Variants in SFTPC observed in about 807,000 individuals in gnomAD.
SFTPC encodes the protein surfactant protein C, also known as BRICHOS domain containing 6.
Under a neutral mutation model 19.9 loss-of-function variants are expected in SFTPC, and 12 were observed. That is an observed-to-expected ratio of 0.60 (90% CI 0.39 to 0.98). SFTPC has a LOEUF of 0.98. Among genes scored for constraint, SFTPC ranks in the 50% least tolerant of loss-of-function variants. The probability of loss-of-function intolerance (pLI) is 0.00; values close to 1 mark genes in which losing one functional copy is unlikely to be tolerated. For missense variants in SFTPC, 219 were observed against 252.2 expected (o/e 0.87, Z 0.89); for synonymous variants, 123 against 103.3 (o/e 1.19, Z -1.16).
At chr8:22,161,909 GC>G in intron 1 of SFTPC, 39 bp downstream of exon 1, 3 of 1,565,800 alleles carry the variant, frequency 1.9e-6, no homozygotes, top group Non-Finnish European at 2.6e-6. Flanking sequence ...GTGTGCGCGC[GC>G]ACATGTGTGT....
chr8:22,159,904 G>T, upstream of SFTPC: 7 of 841,006 alleles, frequency 8.3e-6, no homozygotes, highest in African/African-American at 1.7e-5. Context: ...GGGGGCGGGA[G>T]TAAGGGCCCT....
At chr8:22,161,148 C>A (rs1827700211), upstream of SFTPC, among the ~76,000 whole-genome samples, 1 of 152,190 alleles carries the variant, frequency 6.6e-6, no homozygotes, top group Non-Finnish European at 1.5e-5. Context: ...AGCTTGCCAC[C>A]AGTGGGGACA....
chr8:22,161,227 G>C (rs1209437071), upstream of SFTPC, among the ~76,000 whole-genome samples: 1 of 152,188 alleles, frequency 6.6e-6, no homozygotes, highest in Non-Finnish European at 1.5e-5. Flanking sequence ...TGTGGGAGGA[G>C]GCAAGGTAAG....
Position 22,161,801 on chromosome 8 carries a change from G to A in SFTPC, c.-28G>A. ...ACCCTGGTCACACCTGGGAGAGGAG[G>A]AGAGGAGAGCATAGCACCTGCAGCA... On this transcript the variant is annotated 5_prime_UTR_variant, in exon 1 of 6. Transcript: ENST00000679463. 1 of 1,614,072 alleles carries A rather than the reference G, an allele frequency of 6.2e-7. No individual in the cohort carries two copies. The highest frequency in any genetic ancestry group is 8.5e-7 in the Non-Finnish European group (1 of 1,180,012).
Position 22,164,303 on chromosome 8 carries a change from G to A in SFTPC, c.*56G>A. On this transcript the variant is annotated 3_prime_UTR_variant, in exon 6 of 6. Coordinates refer to ENST00000679463, the MANE Select transcript of SFTPC (RefSeq NM_001317778.2). ...CCCCAACGGGAAAGGAAACGCCCCG[G>A]GCAAAGGGTCTTTTGCAGCTTTTGC... 1.3e-6 allele frequency: 2 copies of A among 1,536,202 alleles called. No individual in the cohort carries two copies. Among genetic ancestry groups the A allele is most frequent in the Non-Finnish European group, 1.7e-6 (2 of 1,146,918 alleles).
intron 4 of SFTPC, 170 bp from the exon 5 acceptor site, chr8:22,163,731 A>T (rs747946112): frequency 4.9e-6 from 4 of 817,154 alleles, no homozygotes; most frequent in Non-Finnish European, 8.3e-6. Context: ...TGCTGGGCTC[A>T]GCTGAGTCCA....
At chr8:22,159,069 G>A (rs926548111), upstream of SFTPC, 18 of 152,468 alleles carry the variant, frequency 1.2e-4, no homozygotes, top group African/African-American at 4.1e-4. Flanking sequence ...ACTGGAGTGA[G>A]GTCGCAGAGC....
At chr8:22,159,877 A>G (rs558877043), upstream of SFTPC, 482 of 1,283,166 alleles carry the variant, frequency 3.8e-4, no homozygotes, top group Non-Finnish European at 4.6e-4. Context: ...GATCAATCCC[A>G]ATGTTGCCAG....
Position 22,163,076 on chromosome 8 carries a change from C to G in SFTPC, c.202-4C>G. ...GACCAGGTGGCTCCATGCCCTTTCC[C>G]CAGGTTCTGGAGATGAGCATTGGGG... On this transcript the variant is annotated splice_polypyrimidine_tract_variant and splice_region_variant and intron_variant, in intron 2 of 5. Transcript: ENST00000679463. 1 of 1,613,992 alleles carries G rather than the reference C, an allele frequency of 6.2e-7. No homozygotes were observed. The highest frequency in any genetic ancestry group is 8.5e-7 in the Non-Finnish European group (1 of 1,179,954).
chr8:22,163,169 C>T lies in SFTPC; in HGVS notation c.291C>T (p.Gly97=), dbSNP rs746180618. 1.2e-6 allele frequency: 2 copies of T among 1,614,212 alleles called. No individual in the cohort carries two copies. Among genetic ancestry groups the T allele is most frequent in the East Asian group, 2.2e-5 (1 of 44,878 alleles). The change falls in exon 3 of 6, where the codon GGC becomes GGT. Residue 97 remains glycine, a synonymous_variant. Coordinates refer to ENST00000679463, the MANE Select transcript of SFTPC (RefSeq NM_001317778.2). ...TTACCACTGCCACCTTCTCCATCGG[C>T]TCCACTGGCCTCGTGGTGTATGACT... ...HLVTTATFSI[G]STGLVVYDYQ...
intron 1 of SFTPC, among the ~76,000 whole-genome samples, chr8:22,162,242 C>CT (rs982801450): frequency 6.6e-6 from 1 of 152,188 alleles, no homozygotes; most frequent in Non-Finnish European, 1.5e-5. Flanking sequence ...AGGAGGGAGA[C>CT]TCTGTATCAC....
chr8:22,164,150 G>A (rs1200445952), intron 5 of SFTPC, 91 bp downstream of exon 5: 1 of 1,562,168 alleles, frequency 6.4e-7, no homozygotes, highest in African/African-American at 1.4e-5. Context: ...CCAGGCGCTG[G>A]GGCGTCCACT....
chr8:22,161,339 T>C (rs1038775306), upstream of SFTPC, among the ~76,000 whole-genome samples: 8 of 152,198 alleles, frequency 5.3e-5, no homozygotes, highest in African/African-American at 1.9e-4. Context: ...GGCAGAGTCC[T>C]CTCAGAGTCT....
rs1252546891 is a variant in SFTPC at position 22,164,284 on chromosome 8, C to A, written c.*37C>A. The A allele has an allele frequency of 1.6e-5, 25 of 1,536,040 alleles. No homozygotes were observed. Among genetic ancestry groups the A allele is most frequent in the Non-Finnish European group, 2.2e-5 (25 of 1,146,910 alleles). On this transcript the variant is annotated 3_prime_UTR_variant, in exon 6 of 6. Transcript: ENST00000679463. ...TTCACAGGGTCAGTGGAAGCCCCAA[C>A]GGGAAAGGAAACGCCCCGGGCAAAG...
At chr8:22,162,522 G>C in intron 1 of SFTPC, 52 bp from the exon 2 acceptor site, 1 of 1,601,888 alleles carries the variant, frequency 6.2e-7, no homozygotes, top group Non-Finnish European at 8.5e-7. Context: ...GGGAGAAGAG[G>C]GGACAGCCTC....
chr8:22,163,731 A>G lies in SFTPC; in HGVS notation c.436-170A>G, dbSNP rs747946112. 4 of 817,154 alleles carry G rather than the reference A, an allele frequency of 4.9e-6. No individual in the cohort carries two copies. In the Admixed American group the frequency reaches 8.0e-5, roughly 16 times the overall value. The allele number at this position is 817,154 out of a possible 1,614,324, so 50.6% of individuals were successfully genotyped here. Reference sequence around the variant, plus strand: ...ACCCCACTGCCAAGCTGCTGGGCTCAGCTGAGTCCACTCACTACCTGGTGG... The same window carrying G: ...ACCCCACTGCCAAGCTGCTGGGCTCGGCTGAGTCCACTCACTACCTGGTGG... On this transcript the variant is annotated intron_variant, in intron 4 of 5. Coordinates refer to ENST00000679463, the MANE Select transcript of SFTPC (RefSeq NM_001317778.2).
At chr8:22,164,096 C>T (rs1446425536) in intron 5 of SFTPC, 37 bp downstream of exon 5, 6 of 1,610,422 alleles carry the variant, frequency 3.7e-6, no homozygotes, top group African/African-American at 2.7e-5. Context: ...AGCGGAGGAG[C>T]GCTCGGGCCA....
chr8:22,160,779 T>C (rs1451542444), upstream of SFTPC, among the ~76,000 whole-genome samples: 3 of 152,100 alleles, frequency 2.0e-5, no homozygotes, highest in African/African-American at 7.2e-5. Flanking sequence ...CCCAAAGTCA[T>C]TGGCAGATTT....
chr8:22,161,850 G>T lies in SFTPC; in HGVS notation c.22G>T (p.Val8Phe), dbSNP rs1489591822. 1 of 1,614,004 alleles carries T rather than the reference G, an allele frequency of 6.2e-7. No homozygotes were observed. The highest frequency in any genetic ancestry group is 8.5e-7 in the Non-Finnish European group (1 of 1,180,032). Reference sequence around the variant, plus strand: ...CAAGATGGATGTGGGCAGCAAAGAGGTCCTGATGGAGAGCCCGCCGGTGAG... The same window carrying T: ...CAAGATGGATGTGGGCAGCAAAGAGTTCCTGATGGAGAGCCCGCCGGTGAG... MDVGSKE[V>F]LMESPPDYSA... The change falls in exon 1 of 6, where the codon GTC becomes TTC. Residue 8 changes from valine to phenylalanine, a missense_variant. Coordinates refer to ENST00000679463, the MANE Select transcript of SFTPC (RefSeq NM_001317778.2).
Sources: gnomAD v4.1 joint callset for allele counts (sites outside exome capture counted in the v4.1 genomes callset) on GRCh38, gnomAD v4.1.1 for gene constraint, MANE v1.5 for transcripts, NCBI Gene and HGNC (gene_info 2026-07-23, HGNC 2026-07-21) for gene names.